OS9: variants seen among roughly 807,000 people sequenced by gnomAD.
OS9 encodes the protein protein OS-9.
OS9 carries 58 observed loss-of-function variants against 84.7 expected under a neutral mutation model. The observed-to-expected ratio is 0.68, with a 90% CI of 0.55 to 0.85. The LOEUF is 0.85. OS9 is among the 40% of genes least tolerant of loss of function. The pLI is 0.00. For missense variants in OS9, 760 were observed against 850.9 expected (o/e 0.89, Z 1.33); for synonymous variants, 278 against 320.8 (o/e 0.87, Z 1.43).
At chr12:57,703,038 C>T (rs1293386000) in intron 5 of OS9, among the ~76,000 whole-genome samples, 1 of 151,952 alleles carries the variant, frequency 6.6e-6, no homozygotes, top group African/African-American at 2.4e-5. Context: ...CCTGTGGTTG[C>T]CTTTTTACTA....
chr12:57,715,593 C>T, intron 5 of OS9, 167 bp from the exon 6 acceptor site: 2 of 522,276 alleles, frequency 3.8e-6, no homozygotes. Context: ...CCAATATCGC[C>T]TCACTGGGTC....
At chr12:57,698,666 G>A (rs1953935734) in intron 5 of OS9, among the ~76,000 whole-genome samples, 1 of 152,202 alleles carries the variant, frequency 6.6e-6, no homozygotes, top group African/African-American at 2.4e-5. Context: ...GGGAATGAGA[G>A]GGCATTCCAA....
intron 9 of OS9, among the ~76,000 whole-genome samples, chr12:57,717,005 C>T (rs1199269513): frequency 6.6e-6 from 1 of 152,174 alleles, no homozygotes; most frequent in Admixed American, 6.5e-5. Flanking sequence ...TAACCCCTAC[C>T]TTAGAGGGTT....
intron 5 of OS9, among the ~76,000 whole-genome samples, chr12:57,703,288 T>TG (rs1335126382): frequency 6.6e-6 from 1 of 152,078 alleles, no homozygotes; most frequent in Non-Finnish European, 1.5e-5. Flanking sequence ...TTCTTAGAGA[T>TG]GGGGGTCTCG....
intron 12 of OS9, chr12:57,719,432 C>T: frequency 1.9e-6 from 1 of 517,626 alleles, no homozygotes; most frequent in Non-Finnish European, 3.5e-6. Flanking sequence ...CTCCTGTACA[C>T]CCAGTGCCTA....
chr12:57,721,110 C>T lies in OS9; in HGVS notation c.*201C>T, dbSNP rs1954668070. ...GCTGGCAGCCACCTTGAGACCTCAC[C>T]GGGCCTGTGATATTTGCTCTCCTGA... On this transcript the variant is annotated 3_prime_UTR_variant, in exon 15 of 15. Transcript: ENST00000315970. 7 of 563,970 alleles carry T rather than the reference C, an allele frequency of 1.2e-5. No individual in the cohort carries two copies. Among genetic ancestry groups the T allele is most frequent in the East Asian group, 3.2e-5 (1 of 31,620 alleles). 34.9% of individuals were successfully genotyped at this position (563,970 alleles called of 1,614,324 possible).
At chr12:57,695,517 TA>T (rs994053310) in intron 2 of OS9, 37 of 666,756 alleles carry the variant, frequency 5.5e-5, no homozygotes, top group Non-Finnish European at 4.1e-5. Context: ...GGAGGGCAAA[TA>T]AGGATTTAAA....
chr12:57,721,002 C>G lies in OS9; in HGVS notation c.*93C>G. The G allele has an allele frequency of 2.8e-6, 4 of 1,443,628 alleles. No homozygotes were observed. The highest frequency in any genetic ancestry group is 3.9e-6 in the Non-Finnish European group (4 of 1,036,556). The allele number at this position is 1,443,628 out of a possible 1,614,324, so 89.4% of individuals were successfully genotyped here. On this transcript the variant is annotated 3_prime_UTR_variant, in exon 15 of 15. Transcript: ENST00000315970. ...CTCCCCACCCTGGAACCCCTGAGGGCCAAACAGCAGAGTGGAGCTGAGCTG... is the reference window on the plus strand; with the variant it reads ...CTCCCCACCCTGGAACCCCTGAGGGGCAAACAGCAGAGTGGAGCTGAGCTG...
At chr12:57,702,883 T>G (rs1471683314) in intron 5 of OS9, among the ~76,000 whole-genome samples, 1 of 152,216 alleles carries the variant, frequency 6.6e-6, no homozygotes, top group East Asian at 1.9e-4. Context: ...TTTGTATATC[T>G]TTTTTGGAGA....
At chr12:57,705,462 A>AT (rs1276173751) in intron 5 of OS9, among the ~76,000 whole-genome samples, 1 of 152,192 alleles carries the variant, frequency 6.6e-6, no homozygotes, top group Admixed American at 6.5e-5. Flanking sequence ...GTGTATGCAT[A>AT]TATTTCAAAC....
At chr12:57,703,335 A>T (rs964892816) in intron 5 of OS9, among the ~76,000 whole-genome samples, 4 of 152,180 alleles carry the variant, frequency 2.6e-5, no homozygotes, top group Non-Finnish European at 4.4e-5. Context: ...TCCTGGGCTC[A>T]GGTAAGCTTC....
At chr12:57,717,397 C>T (rs967948237) in intron 9 of OS9, among the ~76,000 whole-genome samples, 3 of 152,202 alleles carry the variant, frequency 2.0e-5, no homozygotes, top group African/African-American at 4.8e-5. Flanking sequence ...AGCGCAGTAG[C>T]GCACACCTGT....
At chr12:57,706,759 G>C (rs1029595298) in intron 5 of OS9, among the ~76,000 whole-genome samples, 5 of 148,608 alleles carry the variant, frequency 3.4e-5, no homozygotes, top group African/African-American at 1.2e-4. Context: ...TGAAGCAGGA[G>C]GATTGCTTTA....
intron 5 of OS9, among the ~76,000 whole-genome samples, chr12:57,697,923 A>ACC (rs1565767100): frequency 1.6e-5 from 1 of 63,684 alleles, no homozygotes; most frequent in African/African-American, 5.4e-5. Context: ...ACACACACAC[A>ACC]TACACACACA....
chr12:57,697,364 A>G (rs1028121011), intron 5 of OS9, among the ~76,000 whole-genome samples: 2 of 152,248 alleles, frequency 1.3e-5, no homozygotes, highest in East Asian at 1.9e-4. Flanking sequence ...GCTAAGAGCC[A>G]AATGTTTCAG....
chr12:57,718,936 G>A (rs945657890), intron 11 of OS9, 57 bp from the exon 12 acceptor site: 23 of 1,306,008 alleles, frequency 1.8e-5, no homozygotes, highest in African/African-American at 4.4e-5. Context: ...AGCCCAGCCC[G>A]CTGGCTGCCT....
intron 5 of OS9, among the ~76,000 whole-genome samples, chr12:57,705,240 C>A (rs1326587844): frequency 6.6e-6 from 1 of 152,064 alleles, no homozygotes; most frequent in Non-Finnish European, 1.5e-5. Flanking sequence ...TGTTAAAACT[C>A]CTTTTGGGGA....
At chr12:57,695,488 C>G (rs1188866195) in intron 2 of OS9, 1 of 608,848 alleles carries the variant, frequency 1.6e-6, no homozygotes, top group Non-Finnish European at 3.0e-6. Context: ...TCAGGGATAC[C>G]ATAATTTCTT....
chr12:57,719,196 G>T lies in OS9; in HGVS notation c.1600+14G>T. The T allele has an allele frequency of 6.2e-7, 1 of 1,610,758 alleles. No individual in the cohort carries two copies. The highest frequency in any genetic ancestry group is 1.1e-5 in the South Asian group (1 of 90,870). ...CCCAACCTACAGGTGAGAGCAGTCA[G>T]ACAAGAAAGAGTAGCCCAGTCTGTT... is the stretch of plus-strand genomic sequence containing the variant. On this transcript the variant is annotated intron_variant, in intron 12 of 14. Transcript: ENST00000315970.
Sources: allele counts gnomAD v4.1 joint callset (sites outside exome capture counted in the v4.1 genomes callset), GRCh38; gene constraint gnomAD v4.1.1; transcripts MANE v1.5; gene names NCBI Gene and HGNC (gene_info 2026-07-23, HGNC 2026-07-21).